PCSK5: variants seen among roughly 807,000 people sequenced by gnomAD.
PCSK5 encodes the protein prohormone convertase 5.
In PCSK5, 129 loss-of-function variants were observed where a neutral mutation model predicts 233.2. That is an observed-to-expected ratio of 0.55 (90% CI 0.48 to 0.64). The LOEUF (loss-of-function observed/expected upper bound fraction) is 0.64. Ranked by LOEUF, PCSK5 falls within the 30% of genes least tolerant of loss-of-function variation. PCSK5 has a pLI of 0.00. For missense variants in PCSK5, 2,076 were observed against 2,430.1 expected (o/e 0.85, Z 3.06); for synonymous variants, 825 against 879.2 (o/e 0.94, Z 1.09).
At chr9:76,173,215 AT>A (rs754294351) in intron 13 of PCSK5, among the ~76,000 whole-genome samples, 1 of 152,188 alleles carries the variant, frequency 6.6e-6, no homozygotes, top group Non-Finnish European at 1.5e-5. Context: ...TGCTTAGCAT[AT>A]AGAAAGCACT....
chr9:75,977,536 C>T (rs1826077798), intron 2 of PCSK5, among the ~76,000 whole-genome samples: 2 of 149,860 alleles, frequency 1.3e-5, no homozygotes, highest in South Asian at 4.3e-4. Context: ...GGAGCCATTT[C>T]CTCCCGTCTT....
intron 1 of PCSK5, among the ~76,000 whole-genome samples, chr9:75,904,210 C>G (rs1259492316): frequency 6.6e-6 from 1 of 152,108 alleles, no homozygotes; most frequent in African/African-American, 2.4e-5. Flanking sequence ...ACTTGAGTCA[C>G]CCTTCTAGAT....
chr9:76,319,090 G>C (rs1366782815), intron 30 of PCSK5, among the ~76,000 whole-genome samples: 1 of 152,188 alleles, frequency 6.6e-6, no homozygotes, highest in Non-Finnish European at 1.5e-5. Context: ...AGTTCCTGAT[G>C]ACATGTGCCC....
At chr9:76,206,207 C>G (rs776734343) in intron 20 of PCSK5, among the ~76,000 whole-genome samples, 1 of 152,194 alleles carries the variant, frequency 6.6e-6, no homozygotes, top group African/African-American at 2.4e-5. Context: ...GCTGCTGGTC[C>G]TACCTTGAGA....
intron 5 of PCSK5, among the ~76,000 whole-genome samples, chr9:76,059,448 A>T (rs954522966): frequency 1.2e-4 from 19 of 152,172 alleles, no homozygotes; most frequent in African/African-American, 4.6e-4. Context: ...CTATGTCCTG[A>T]ATGGTAATGC....
At chr9:76,030,113 T>C (rs1828592752) in intron 5 of PCSK5, among the ~76,000 whole-genome samples, 1 of 151,998 alleles carries the variant, frequency 6.6e-6, no homozygotes, top group Non-Finnish European at 1.5e-5. Flanking sequence ...AGAAGTGTTT[T>C]TCTCTCTGAA....
At chr9:76,298,877 C>T (rs1226147609) in intron 27 of PCSK5, among the ~76,000 whole-genome samples, 9 of 152,144 alleles carry the variant, frequency 5.9e-5, no homozygotes, top group South Asian at 2.1e-4. Flanking sequence ...GTTTTTCAAA[C>T]ACAGATTCAG....
chr9:76,173,571 T>A (rs1310190747), intron 13 of PCSK5, among the ~76,000 whole-genome samples: 1 of 138,220 alleles, frequency 7.2e-6, no homozygotes, highest in Non-Finnish European at 1.5e-5. Context: ...AGCTAAGAAA[T>A]AAGTTAACAA....
intron 19 of PCSK5, 129 bp downstream of exon 19, chr9:76,189,352 C>G: frequency 5.0e-6 from 4 of 800,658 alleles, no homozygotes; most frequent in Non-Finnish European, 8.0e-6. Flanking sequence ...CCTGTGGACA[C>G]TGTTCTGAAG....
At chr9:76,307,405 C>A (rs550203421) in intron 28 of PCSK5, among the ~76,000 whole-genome samples, 1 of 152,276 alleles carries the variant, frequency 6.6e-6, no homozygotes, top group African/African-American at 2.4e-5. Context: ...TGAGCTAGAA[C>A]TTCGTTTTCT....
chr9:75,978,965 C>T (rs1216319974), intron 2 of PCSK5, among the ~76,000 whole-genome samples: 10 of 151,350 alleles, frequency 6.6e-5, no homozygotes, highest in Non-Finnish European at 1.2e-4. Flanking sequence ...CTCCACCTCC[C>T]GGGTTCAAGC....
At chr9:75,891,531 GCACACA>G (rs34768107) in intron 1 of PCSK5, among the ~76,000 whole-genome samples, 158 bp downstream of exon 1, 94,834 of 148,638 alleles carry the variant, frequency 0.64, 31,038 homozygotes, top group Non-Finnish European at 0.71. Flanking sequence ...GCGCGCGTAC[GCACACA>G]CACACACACA....
chr9:76,051,483 T>C (rs7048715), intron 5 of PCSK5, among the ~76,000 whole-genome samples: 12,387 of 152,234 alleles, frequency 0.081, 629 homozygotes, highest in Middle Eastern at 0.13. Context: ...AGTGGTACTT[T>C]GGTATTTTCC....
At chr9:76,318,976 C>A (rs1236056962) in intron 30 of PCSK5, among the ~76,000 whole-genome samples, 1 of 152,152 alleles carries the variant, frequency 6.6e-6, no homozygotes. Flanking sequence ...TCAAACCAAT[C>A]AAATTCACAA....
intron 5 of PCSK5, among the ~76,000 whole-genome samples, chr9:76,042,180 A>G (rs1213141992): frequency 6.6e-6 from 1 of 152,240 alleles, no homozygotes; most frequent in Non-Finnish European, 1.5e-5. Context: ...AAGGGAAAGA[A>G]AAAACACCAT....
At chr9:75,933,184 A>G (rs1475310498) in intron 2 of PCSK5, among the ~76,000 whole-genome samples, 1 of 152,146 alleles carries the variant, frequency 6.6e-6, no homozygotes, top group African/African-American at 2.4e-5. Context: ...GGTGTCAGGG[A>G]CAAACTAATA....
intron 8 of PCSK5, among the ~76,000 whole-genome samples, chr9:76,097,731 T>C (rs113948459): frequency 0.01 from 1,570 of 152,334 alleles, 26 homozygotes; most frequent in African/African-American, 0.036. Context: ...TACAAAATAA[T>C]GAGGAAGGCA....
In PCSK5 at chr9:76,181,908, A is replaced by C. The variant is rs139498926; in HGVS notation, c.2197+317A>C. Among the ~76,000 whole-genome samples, 38 of 152,276 alleles carry C rather than the reference A, an allele frequency of 2.5e-4. No individual in the cohort carries two copies. In the East Asian group the frequency reaches 7.0e-3, roughly 28 times the overall value. On this transcript the variant is annotated intron_variant, in intron 16 of 37. Coordinates refer to ENST00000674117, the MANE Select transcript of PCSK5 (RefSeq NM_001372043.1). ...ATCATCAAAGGGAAAAGGCATATGG[A>C]ACAAGGTTCAGCCACACAGGGCATA...
chr9:76,220,069 T>G (rs1463403065), intron 20 of PCSK5, among the ~76,000 whole-genome samples: 1 of 152,080 alleles, frequency 6.6e-6, no homozygotes, highest in Non-Finnish European at 1.5e-5. Flanking sequence ...CTCACAGGAA[T>G]AGCAAAAGAC....
Sources: allele counts gnomAD v4.1 joint callset (sites outside exome capture counted in the v4.1 genomes callset), GRCh38; gene constraint gnomAD v4.1.1; transcripts MANE v1.5; gene names NCBI Gene and HGNC (gene_info 2026-07-23, HGNC 2026-07-21).